The following RNF103 variants were observed in gnomAD, a reference collection of about 807,000 sequenced individuals.
RNF103 encodes E3 ubiquitin-protein ligase RNF103.
RNF103 carries 23 observed loss-of-function variants against 66.2 expected under a neutral mutation model. The ratio of observed to expected loss-of-function variants is 0.35; its 90% CI spans 0.25 to 0.49. RNF103 has a LOEUF of 0.49. Ranked by LOEUF, RNF103 falls within the 20% of genes least tolerant of loss-of-function variation. RNF103 has a pLI of 0.98. For synonymous variants in RNF103, 297 were observed against 289.9 expected (o/e 1.02, Z -0.25); for missense variants, 730 against 814.7 (o/e 0.90, Z 1.27).
rs1370908687 is a variant in RNF103, at chr2:86,604,386, T to C, written c.1515A>G (p.Pro505=). The change falls in exon 4 of 4, where the codon CCA becomes CCG. Residue 505 remains proline (P), a synonymous_variant. Transcript: ENST00000237455. The stretch of plus-strand genomic sequence containing the variant: ...TTGGTAAGTTTTTAATATAATCAGT[T>C]GGTATCAGAGGGTGAAGCCAAAGGT... ...FPDLWLHPLI[P]TDYIKNLPMW... is the part of the protein sequence containing the mutation. 1.9e-6 allele frequency: 3 copies of C among 1,614,192 alleles called. No individual in the cohort carries two copies. Among genetic ancestry groups the C allele is most frequent in the East Asian group, 4.5e-5 (2 of 44,892 alleles).
chr2:86,623,871 A>G (rs1345521028), upstream of RNF103: 38 of 1,287,184 alleles, frequency 3.0e-5, no homozygotes, highest in Non-Finnish European at 3.6e-5. Flanking sequence ...ATAACAACTG[A>G]CGTCGCGATG....
At chr2:86,620,558 T>C in intron 1 of RNF103, 89 bp from the exon 2 acceptor site, 2 of 1,367,534 alleles carry the variant, frequency 1.5e-6, no homozygotes, top group Non-Finnish European at 1.9e-6. Flanking sequence ...CTGTTAAGAA[T>C]CATGATATTG....
chr2:86,617,634 CAG>C, intron 2 of RNF103: 1 of 981,922 alleles, frequency 1.0e-6, no homozygotes, highest in Non-Finnish European at 1.2e-6. Context: ...CTACTGTAAA[CAG>C]AAAATAACAA....
intron 3 of RNF103, among the ~76,000 whole-genome samples, chr2:86,611,190 A>T (rs1678778943): frequency 6.6e-6 from 1 of 151,994 alleles, no homozygotes; most frequent in Admixed American, 6.6e-5. Flanking sequence ...AAAAAAAAAA[A>T]AAATCAGAAA....
At chr2:86,609,787 C>T (rs1049109175) in intron 3 of RNF103, among the ~76,000 whole-genome samples, 7 of 152,170 alleles carry the variant, frequency 4.6e-5, no homozygotes, top group African/African-American at 1.7e-4. Context: ...GTCAGCTGCC[C>T]AGAGGCCACC....
chr2:86,605,452 G>A (rs1678510896), intron 3 of RNF103, 34 bp from the exon 4 acceptor site: 1 of 1,538,506 alleles, frequency 6.5e-7, no homozygotes, highest in Admixed American at 2.2e-5. Context: ...AAACAGCTAG[G>A]CTGTAATGCA....
At chr2:86,623,874 T>C (rs983073275), upstream of RNF103, 7 of 1,287,044 alleles carry the variant, frequency 5.4e-6, no homozygotes, top group African/African-American at 1.1e-4. Context: ...ACAACTGACG[T>C]CGCGATGAGG....
chr2:86,616,010 C>T (rs926191459), intron 2 of RNF103, among the ~76,000 whole-genome samples: 5 of 152,196 alleles, frequency 3.3e-5, no homozygotes, highest in African/African-American at 1.2e-4. Context: ...CTTTTGATTT[C>T]TGTTATAATC....
Position 86,622,834 on chromosome 2 carries a change from A to G in RNF103, c.53T>C (p.Leu18Pro). The G allele has an allele frequency of 6.2e-7, 1 of 1,614,048 alleles. No individual in the cohort carries two copies. The highest frequency in any genetic ancestry group is 8.5e-7 in the Non-Finnish European group (1 of 1,179,960). Reference protein sequence around the residue: ...LLLYFLVLFVLARFFEAIVWY... With the variant: ...LLLYFLVLFVPARFFEAIVWY... ...CACAATGGCCTCAAAAAACCTGGCC[A>G]GGACGAACAGGACCAGGAAATAGAG... Residue 18 changes from leucine to proline, a missense_variant, in exon 1 of 4, where the codon CTG becomes CCG. Leu to Pro is a moderately conservative substitution (Grantham distance 98). This residue lies in a region of RNF103 where 327 missense variants were observed against 369.8 expected (regional missense o/e 0.88). Coordinates refer to ENST00000237455, the MANE Select transcript of RNF103 (RefSeq NM_005667.4).
In RNF103 at chr2:86,607,052, T is replaced by A. The variant is rs1678596542; in HGVS notation, c.483-1634A>T. 2.0e-5 allele frequency among the ~76,000 whole-genome samples: 3 copies of A among 152,306 alleles called. No homozygotes were observed. In the South Asian group the frequency reaches 6.2e-4, roughly 32 times the overall value. On this transcript the variant is annotated intron_variant, in intron 3 of 3. Transcript: ENST00000237455. ...CATGTACCACACAGAAGAGTTAATC[T>A]TTTGTTTTTAAAAAGTATTTTTTTT...
In RNF103 at chr2:86,604,270, G is replaced by A. The variant is rs1464647787; in HGVS notation, c.1631C>T (p.Thr544Ile). 1 of 1,614,062 alleles carries A rather than the reference G, an allele frequency of 6.2e-7. No homozygotes were observed. The highest frequency in any genetic ancestry group is 8.5e-7 in the Non-Finnish European group (1 of 1,180,034). ...DTENDSESEN[T>I]DTLSSEKEVF... ...TTCCTTCTCACTACTCAAAGTGTCT[G>A]TGTTCTCACTTTCCGAGTCATTTTC... The change falls in exon 4 of 4, where the codon ACA becomes ATA. Residue 544 changes from threonine (T) to isoleucine (I), a missense_variant. By Grantham distance (89) the Thr-to-Ile change is moderately conservative. Around this residue, in one of 3 missense-constraint regions of RNF103, gnomAD observed 355 missense variants for 351.9 expected, o/e 1.01. Coordinates refer to ENST00000237455, the MANE Select transcript of RNF103 (RefSeq NM_005667.4).
rs1474209104 is a variant in RNF103, at chr2:86,605,353, G to A, written c.548C>T (p.Ser183Leu). ...TTCTTTAAGCATGACTTTCCCTTTT[G>A]AAGTACTTGTTTGTGGAACAGACAT... ...LIMSVPQTST[S>L]KGKVMLKEYS... is the part of the protein sequence containing the mutation. The change falls in exon 4 of 4, where the codon TCA (serine) becomes TTA (leucine). Residue 183 changes from serine to leucine, a missense_variant. By Grantham distance (145) the Ser-to-Leu change is moderately radical (BLOSUM62 -2). This residue lies in a region of RNF103 where 327 missense variants were observed against 369.8 expected (regional missense o/e 0.88). Coordinates refer to ENST00000237455, the MANE Select transcript of RNF103 (RefSeq NM_005667.4). 5 of 1,613,964 alleles carry A rather than the reference G, an allele frequency of 3.1e-6. No homozygotes were observed. Among genetic ancestry groups the A allele is most frequent in the Middle Eastern group, 1.6e-4 (1 of 6,084 alleles).
rs772772384 is a variant in RNF103 at position 86,604,272 on chromosome 2, G to A, written c.1629C>T (p.Asn543=). 8 of 1,614,044 alleles carry A rather than the reference G, an allele frequency of 5.0e-6. No individual in the cohort carries two copies. The African/African-American group carries it at 1.1e-4, about 22-fold the overall frequency. ...QDTENDSESE[N]TDTLSSEKEV... is the part of the protein sequence containing the mutation. ...CCTTCTCACTACTCAAAGTGTCTGT[G>A]TTCTCACTTTCCGAGTCATTTTCAG... Residue 543 remains asparagine (N), a synonymous_variant, in exon 4 of 4, where the codon AAC becomes AAT. Coordinates refer to ENST00000237455, the MANE Select transcript of RNF103 (RefSeq NM_005667.4).
rs201226159 is a variant in RNF103, at chr2:86,605,313, C to G, written c.588G>C (p.Lys196Asn). The change falls in exon 4 of 4, where the codon AAG becomes AAC. Residue 196 changes from lysine to asparagine, a missense_variant. Physicochemically the swap from Lys to Asn is moderately conservative, Grantham distance 94 (BLOSUM62 0). Around this residue, in one of 3 missense-constraint regions of RNF103, gnomAD observed 327 missense variants for 369.8 expected, o/e 0.88. Coordinates refer to ENST00000237455, the MANE Select transcript of RNF103 (RefSeq NM_005667.4). Reference protein sequence around the residue: ...KVMLKEYSGRKIEVEHIFKWI... With the variant: ...KVMLKEYSGRNIEVEHIFKWI... ...ATTTAAAAATGTGCTCTACTTCAAT[C>G]TTGCGTCCACTGTATTCTTTAAGCA... 8.1e-6 allele frequency: 13 copies of G among 1,614,082 alleles called. No homozygotes were observed. Among genetic ancestry groups the G allele is most frequent in the Non-Finnish European group, 1.1e-5 (13 of 1,180,040 alleles).
At chr2:86,605,967 T>C (rs1215436772) in intron 3 of RNF103, among the ~76,000 whole-genome samples, 2 of 152,136 alleles carry the variant, frequency 1.3e-5, no homozygotes, top group Non-Finnish European at 2.9e-5. Flanking sequence ...GCAAGCTCCT[T>C]GAGGGTAGGA....
intron 1 of RNF103, among the ~76,000 whole-genome samples, chr2:86,621,575 A>T (rs1679228907): frequency 6.6e-6 from 1 of 152,200 alleles, no homozygotes; most frequent in South Asian, 2.1e-4. Context: ...CTACCCTAAT[A>T]GTGAGATATG....
chr2:86,622,720 C>T lies in RNF103; in HGVS notation c.167G>A (p.Gly56Glu), dbSNP rs1347923367. 2 of 1,614,066 alleles carry T rather than the reference C, an allele frequency of 1.2e-6. No individual in the cohort carries two copies. The highest frequency in any genetic ancestry group is 2.7e-5 in the African/African-American group (2 of 74,922). ...CTCGGGCAACCCTGAGTAGCCCAAC[C>T]CCCGGCACTCCAAAATGGTCTTCAG... is the stretch of plus-strand genomic sequence containing the variant. ...KKLKTILECR[G>E]LGYSGLPEKK... Residue 56 changes from glycine (G) to glutamate (E), a missense_variant, in exon 1 of 4, where the codon GGG becomes GAG. By Grantham distance (98) the Gly-to-Glu change is moderately conservative (BLOSUM62 -2). This residue lies in a region of RNF103 where 327 missense variants were observed against 369.8 expected (regional missense o/e 0.88). Transcript: ENST00000237455.
intron 3 of RNF103, 62 bp downstream of exon 3, chr2:86,612,097 C>G: frequency 9.2e-7 from 1 of 1,086,852 alleles, no homozygotes; most frequent in South Asian, 1.4e-5. Flanking sequence ...TATCATTGCC[C>G]TTTTTAAATA....
chr2:86,616,533 A>G (rs899152369), intron 2 of RNF103: 1 of 985,416 alleles, frequency 1.0e-6, no homozygotes, highest in Non-Finnish European at 1.2e-6. Context: ...CCTCCATAGC[A>G]GTATCAAGAA....
Sources: gnomAD v4.1 joint callset for allele counts (sites outside exome capture counted in the v4.1 genomes callset) on GRCh38, gnomAD v4.1.1 for gene constraint, gnomAD v4.1.1 regional missense constraint, MANE v1.5 for transcripts, NCBI Gene and HGNC (gene_info 2026-07-23, HGNC 2026-07-21) for gene names.